MFSD1: variants seen among roughly 807,000 people sequenced by gnomAD.
The protein encoded by MFSD1 is major facilitator superfamily domain containing 1.
In MFSD1, 59 loss-of-function variants were observed where a neutral mutation model predicts 67.1. The observed-to-expected ratio is 0.88, with a 90% CI of 0.71 to 1.09. The LOEUF (loss-of-function observed/expected upper bound fraction) is 1.09, where lower values mean the gene tolerates loss of function less well. Ranked by LOEUF, MFSD1 falls within the 50% of genes least tolerant of loss-of-function variation. The pLI, the probability that MFSD1 is intolerant of heterozygous loss-of-function variation, is 0.00. For synonymous variants in MFSD1, 213 were observed against 200.3 expected (o/e 1.06, Z -0.54); for missense variants, 552 against 566.1 (o/e 0.97, Z 0.25).
chr3:158,808,271 A>G (rs1424227690), intron 5 of MFSD1, among the ~76,000 whole-genome samples: 1 of 152,208 alleles, frequency 6.6e-6, no homozygotes, highest in Non-Finnish European at 1.5e-5. Flanking sequence ...GTCACAAGAA[A>G]TAAGACTATT....
At chr3:158,807,292 A>G in intron 4 of MFSD1, 104 bp from the exon 5 acceptor site, 1 of 1,024,510 alleles carries the variant, frequency 9.8e-7, no homozygotes, top group Non-Finnish European at 1.5e-6. Context: ...AAGGAGAAAT[A>G]TTAAAACTAT....
rs947427991 is a variant in MFSD1, at chr3:158,802,268, T to G, written c.116T>G (p.Leu39Arg). ...CCGGCCCTCTGCGACCCCAGTCGCC[T>G]GGCGCACCGGCTTTTGGTGCTGTTA... ...ALPALCDPSR[L>R]AHRLLVLLLM... Residue 39 changes from leucine (L) to arginine (R), a missense_variant, in exon 1 of 16, where the codon CTG (leucine) becomes CGG (arginine). Transcript: ENST00000415822. The G allele has an allele frequency of 4.3e-6, 7 of 1,611,382 alleles. No individual in the cohort carries two copies. The African/African-American group carries it at 8.0e-5, about 18-fold the overall frequency.
chr3:158,827,153 C>T (rs1322319309), intron 14 of MFSD1, 127 bp from the exon 15 acceptor site: 7 of 564,650 alleles, frequency 1.2e-5, no homozygotes, highest in Middle Eastern at 2.9e-4. Context: ...TTTTCATCGT[C>T]GATAGCTTTT....
chr3:158,826,293 A>G (rs1730962607), intron 14 of MFSD1, among the ~76,000 whole-genome samples: 1 of 152,186 alleles, frequency 6.6e-6, no homozygotes, highest in Non-Finnish European at 1.5e-5. Context: ...TCTTAATAAT[A>G]TAAAATCTTA....
chr3:158,805,248 C>A, intron 2 of MFSD1, 114 bp from the exon 3 acceptor site: 1 of 850,282 alleles, frequency 1.2e-6, no homozygotes, highest in Non-Finnish European at 2.0e-6. Flanking sequence ...AAAAACTTGC[C>A]CTTTACAGAA....
Position 158,823,509 on chromosome 3 carries a change from G to A in MFSD1, c.1159G>A (p.Gly387Arg), listed in dbSNP as rs964602390. 2.5e-6 allele frequency: 4 copies of A among 1,611,654 alleles called. No homozygotes were observed. The African/African-American group carries it at 5.3e-5, about 22-fold the overall frequency. Residue 387 changes from glycine to arginine, a missense_variant, in exon 12 of 16, where the codon GGA (glycine) becomes AGA (arginine). Physicochemically the swap from Gly to Arg is moderately radical, Grantham distance 125. Coordinates refer to ENST00000415822, the MANE Select transcript of MFSD1 (RefSeq NM_022736.4). ...VAFVVPEHQL[G>R]TAYGFMQSIQ... ...ATTTGTAGTTCCTGAACATCAGCTG[G>A]GAACTGCATATGGCTTGTAAGTATT...
chr3:158,802,327 G>C lies in MFSD1; in HGVS notation c.163+12G>C. On this transcript the variant is annotated intron_variant, in intron 1 of 15. Transcript: ENST00000415822. ...CTTCCTTGGCTTTGGTGAGCCGGCC[G>C]GGTGGGTTGGGGCTGATCTTTAAGG... The C allele has an allele frequency of 3.7e-6, 6 of 1,607,992 alleles. No homozygotes were observed. Among genetic ancestry groups the C allele is most frequent in the South Asian group, 1.1e-5 (1 of 90,730 alleles).
intron 1 of MFSD1, 78 bp from the exon 2 acceptor site, chr3:158,804,241 G>T: frequency 2.0e-6 from 2 of 1,001,356 alleles, no homozygotes; most frequent in South Asian, 3.0e-5. Context: ...ATTTAAAATT[G>T]TAATTTCAGT....
chr3:158,811,590 G>C (rs1010221023), intron 6 of MFSD1, among the ~76,000 whole-genome samples: 1 of 152,158 alleles, frequency 6.6e-6, no homozygotes, highest in Non-Finnish European at 1.5e-5. Context: ...CAACAAAAGG[G>C]CTCCATTGGG....
chr3:158,812,472 T>G (rs1008166340), intron 6 of MFSD1, among the ~76,000 whole-genome samples: 1 of 152,110 alleles, frequency 6.6e-6, no homozygotes, highest in Non-Finnish European at 1.5e-5. Context: ...ACCACTCTCA[T>G]AATCCCTAAA....
intron 3 of MFSD1, among the ~76,000 whole-genome samples, chr3:158,806,318 G>A (rs1393224627): frequency 2.6e-5 from 4 of 152,034 alleles, no homozygotes; most frequent in Non-Finnish European, 4.4e-5. Flanking sequence ...GAGTTTGCTT[G>A]GTCAGATTGG....
In MFSD1 at chr3:158,803,020, T is replaced by C. The variant is rs1195246952; in HGVS notation, c.163+705T>C. ...TGCTGATAGCTTCAGTGAATAGATA[T>C]TGTTCTCTTAATCTTCCACTCTGCC... On this transcript the variant is annotated intron_variant, in intron 1 of 15. Coordinates refer to ENST00000415822, the MANE Select transcript of MFSD1 (RefSeq NM_022736.4). 7.2e-5 allele frequency among the ~76,000 whole-genome samples: 11 copies of C among 152,214 alleles called. 1 individual carries two copies. Among genetic ancestry groups the C allele is most frequent in the Non-Finnish European group, 1.5e-5 (1 of 68,048 alleles).
intron 10 of MFSD1, 43 bp from the exon 11 acceptor site, chr3:158,821,941 C>T (rs1730698257): frequency 2.5e-6 from 4 of 1,577,538 alleles, no homozygotes; most frequent in Non-Finnish European, 1.7e-6. Flanking sequence ...TGATGTTTGA[C>T]TGTGTTGCAT....
rs772793790 is a variant in MFSD1 at position 158,820,334 on chromosome 3, T to C, written c.863+8T>C. The C allele has an allele frequency of 1.3e-6, 2 of 1,515,578 alleles. No individual in the cohort carries two copies. The highest frequency in any genetic ancestry group is 2.3e-5 in the South Asian group (2 of 88,688). 93.9% of individuals were successfully genotyped at this position (1,515,578 alleles called of 1,614,324 possible). On this transcript the variant is annotated splice_region_variant and intron_variant, in intron 9 of 15. Transcript: ENST00000415822. ...TTTTATTGGACTTGGGAAGTGAGTA[T>C]TCTCTATGTTTCCATTATTTCTTGT...
Position 158,827,307 on chromosome 3 carries a change from A to G in MFSD1, c.1364A>G (p.Gln455Arg). ...GGGAACCTAAATTATTCTGCAAGACAAAGGGAAGAAATAAAATTTTCCCAT... is the reference window on the plus strand; with the variant it reads ...GGGAACCTAAATTATTCTGCAAGACGAAGGGAAGAAATAAAATTTTCCCAT... ...QGGNLNYSAR[Q>R]REEIKFSHTE The change falls in exon 15 of 16, where the codon CAA becomes CGA. Residue 455 changes from glutamine (Q) to arginine (R), a missense_variant. Coordinates refer to ENST00000415822, the MANE Select transcript of MFSD1 (RefSeq NM_022736.4). 6.4e-7 allele frequency: 1 copy of G among 1,552,574 alleles called. No individual in the cohort carries two copies. The highest frequency in any genetic ancestry group is 2.3e-5 in the East Asian group (1 of 42,892).
Position 158,829,202 on chromosome 3 carries a change from A to G in MFSD1, c.*220A>G, listed in dbSNP as rs1473347859. 1 of 373,122 alleles carries G rather than the reference A, an allele frequency of 2.7e-6. No homozygotes were observed. The highest frequency in any genetic ancestry group is 4.8e-6 in the Non-Finnish European group (1 of 210,420). The allele number at this position is 373,122 out of a possible 1,614,324, so 23.1% of individuals were successfully genotyped here. On this transcript the variant is annotated 3_prime_UTR_variant, in exon 16 of 16. Coordinates refer to ENST00000415822, the MANE Select transcript of MFSD1 (RefSeq NM_022736.4). ...AAAGAATTCTACTTTTAGTAGGCTA[A>G]TCAACAATGAAAGGGTTAGAAAATT...
chr3:158,814,430 C>T (rs939269911), intron 7 of MFSD1, among the ~76,000 whole-genome samples: 1 of 152,042 alleles, frequency 6.6e-6, no homozygotes, highest in African/African-American at 2.4e-5. Flanking sequence ...AAGCAATTCT[C>T]CTGCCTCAGC....
intron 15 of MFSD1, among the ~76,000 whole-genome samples, 196 bp downstream of exon 15, chr3:158,827,533 G>C (rs1343658937): frequency 1.3e-5 from 2 of 150,766 alleles, no homozygotes; most frequent in Non-Finnish European, 2.9e-5. Flanking sequence ...TCCCATCTCA[G>C]CCTCCCAAGT....
chr3:158,807,952 A>G (rs552337689), intron 5 of MFSD1, among the ~76,000 whole-genome samples: 184 of 152,364 alleles, frequency 1.2e-3, no homozygotes, highest in Non-Finnish European at 2.3e-3. Flanking sequence ...TTGTCTGTTC[A>G]GTAAGCCTAT....
Sources: gnomAD v4.1 joint callset for allele counts (sites outside exome capture counted in the v4.1 genomes callset) on GRCh38, gnomAD v4.1.1 for gene constraint, MANE v1.5 for transcripts, NCBI Gene and HGNC (gene_info 2026-07-23, HGNC 2026-07-21) for gene names.